Variants in COL27A1 observed in about 807,000 individuals in gnomAD.
COL27A1 encodes collagen alpha-1(XXVII) chain.
A neutral mutation model predicts 251.3 loss-of-function variants in COL27A1; 106 were observed. The ratio of observed to expected loss-of-function variants is 0.42; its 90% confidence interval spans 0.36 to 0.50. COL27A1 has a LOEUF of 0.50. Ranked by LOEUF, COL27A1 falls within the 20% of genes least tolerant of loss-of-function variation. The pLI is 0.00. For synonymous variants in COL27A1, 1,000 were observed against 986.3 expected (o/e 1.01, Z -0.26); for missense variants, 2,325 against 2,522.8 (o/e 0.92, Z 1.68).
intron 12 of COL27A1, among the ~76,000 whole-genome samples, chr9:114,218,976 T>C (rs1269370440): frequency 6.6e-6 from 1 of 151,428 alleles, no homozygotes; most frequent in Non-Finnish European, 1.5e-5. Flanking sequence ...TAATTACATT[T>C]CCCTGGAAAA....
chr9:114,182,334 C>T (rs570449951), intron 4 of COL27A1, among the ~76,000 whole-genome samples: 2 of 151,638 alleles, frequency 1.3e-5, no homozygotes, highest in East Asian at 1.9e-4. Context: ...CATGATCATA[C>T]CACTACAGTC....
chr9:114,299,045 G>A (rs1828437463), intron 49 of COL27A1, among the ~76,000 whole-genome samples: 2 of 152,028 alleles, frequency 1.3e-5, no homozygotes, highest in African/African-American at 4.8e-5. Context: ...ACCACCAAGA[G>A]AACCACCAAT....
chr9:114,203,010 G>T (rs1458458886), intron 7 of COL27A1, among the ~76,000 whole-genome samples: 1 of 152,164 alleles, frequency 6.6e-6, no homozygotes, highest in African/African-American at 2.4e-5. Context: ...TGTACAGTTC[G>T]ATAGCGTTAG....
intron 37 of COL27A1, among the ~76,000 whole-genome samples, chr9:114,278,291 T>C (rs1349729234): frequency 7.2e-6 from 1 of 138,312 alleles, no homozygotes; most frequent in Admixed American, 7.4e-5. Context: ...GGGGTGTTGA[T>C]GGTGGTAGTG....
chr9:114,200,254 C>T (rs902323613), intron 7 of COL27A1, among the ~76,000 whole-genome samples: 1 of 152,234 alleles, frequency 6.6e-6, no homozygotes, highest in Admixed American at 6.5e-5. Context: ...ACTGGCATCC[C>T]TCCTATCCCA....
intron 5 of COL27A1, among the ~76,000 whole-genome samples, chr9:114,186,323 C>T (rs767538057): frequency 2.6e-5 from 4 of 152,228 alleles, no homozygotes; most frequent in Non-Finnish European, 5.9e-5. Flanking sequence ...GCGGTGCTGA[C>T]CCGTGGCAGG....
chr9:114,253,008 C>T, intron 27 of COL27A1, 76 bp downstream of exon 27: 2 of 1,170,278 alleles, frequency 1.7e-6, no homozygotes, highest in Non-Finnish European at 1.2e-6. Context: ...TGGTGGCTCA[C>T]ACCTGTAATC....
In COL27A1 at chr9:114,167,963, C is replaced by T. The variant is rs146589272; in HGVS notation, c.408C>T (p.Val136=). 4.0e-3 allele frequency: 6,458 copies of T among 1,607,192 alleles called. 16 individuals are homozygous for T. Among genetic ancestry groups the T allele is most frequent in the African/African-American group, 5.2e-3 (392 of 75,054 alleles). ...TGCAGTTCCTCCCCGGCAAGACGGT[C>T]GTCCACCTCGGGTCCCGGCGCTCAG... ...LGLQFLPGKT[V]VHLGSRRSVA... Residue 136 remains valine (V), a synonymous_variant, in exon 3 of 61, where the codon GTC becomes GTT. Coordinates refer to ENST00000356083, the MANE Select transcript of COL27A1 (RefSeq NM_032888.4).
At chr9:114,283,498 G>T (rs1588868116) in intron 39 of COL27A1, among the ~76,000 whole-genome samples, 1 of 152,026 alleles carries the variant, frequency 6.6e-6, no homozygotes, top group Non-Finnish European at 1.5e-5. Flanking sequence ...AACCCCTGGA[G>T]CCAGGAGAAG....
intron 21 of COL27A1, 107 bp from the exon 22 acceptor site, chr9:114,242,080 A>G (rs1414714022): frequency 5.2e-6 from 5 of 961,210 alleles, no homozygotes; most frequent in Non-Finnish European, 1.5e-6. Flanking sequence ...TTTGTCCAGG[A>G]GGGCTCTCCT....
intron 18 of COL27A1, 43 bp from the exon 19 acceptor site, chr9:114,237,619 G>A (rs768682766): frequency 7.1e-6 from 11 of 1,541,554 alleles, no homozygotes; most frequent in South Asian, 3.3e-5. Context: ...ATGGAAGGTG[G>A]GGTCCTCACC....
chr9:114,202,605 A>C (rs140989678), intron 7 of COL27A1, among the ~76,000 whole-genome samples: 24 of 152,244 alleles, frequency 1.6e-4, no homozygotes, highest in African/African-American at 5.5e-4. Context: ...CACCGCCAGC[A>C]TGCTCTGACC....
chr9:114,286,427 G>C (rs2131607541), intron 41 of COL27A1, among the ~76,000 whole-genome samples: 1 of 152,258 alleles, frequency 6.6e-6, no homozygotes, highest in East Asian at 1.9e-4. Flanking sequence ...GACCCCATCT[G>C]TCCGATGCCA....
At chr9:114,306,485 C>T (rs1415383427) in intron 57 of COL27A1, 35 bp from the exon 58 acceptor site, 1 of 1,610,486 alleles carries the variant, frequency 6.2e-7, no homozygotes, top group Non-Finnish European at 8.5e-7. Context: ...GACCAGGACC[C>T]TAAGGTCCCA....
intron 55 of COL27A1, 65 bp downstream of exon 55, chr9:114,301,782 C>T (rs757075629): frequency 6.0e-5 from 89 of 1,479,626 alleles, no homozygotes; most frequent in Non-Finnish European, 7.7e-5. Flanking sequence ...AGATTCAAGG[C>T]TTCACCGGCA....
chr9:114,283,630 C>A, intron 39 of COL27A1, 79 bp from the exon 40 acceptor site: 2 of 1,359,096 alleles, frequency 1.5e-6, no homozygotes, highest in Non-Finnish European at 1.0e-6. Flanking sequence ...CGGAGCGGGG[C>A]TGGAGCCTGC....
chr9:114,236,222 G>T (rs1832389465), intron 17 of COL27A1, among the ~76,000 whole-genome samples: 1 of 152,084 alleles, frequency 6.6e-6, no homozygotes, highest in East Asian at 1.9e-4. Context: ...TAGATGCTCT[G>T]AGAGGCATGT....
At chr9:114,260,820 G>T (rs967685690) in intron 28 of COL27A1, among the ~76,000 whole-genome samples, 1 of 152,156 alleles carries the variant, frequency 6.6e-6, no homozygotes, top group South Asian at 2.1e-4. Flanking sequence ...CCCCAGGCCG[G>T]TTTCTTAACC....
intron 31 of COL27A1, 50 bp from the exon 32 acceptor site, chr9:114,265,372 G>A (rs1464861674): frequency 1.3e-6 from 2 of 1,579,484 alleles, no homozygotes; most frequent in Non-Finnish European, 1.7e-6. Flanking sequence ...TCAAGACAGG[G>A]CAGAGAAGGC....
Sources: allele counts gnomAD v4.1 joint callset (sites outside exome capture counted in the v4.1 genomes callset), GRCh38; gene constraint gnomAD v4.1.1; transcripts MANE v1.5; gene names NCBI Gene and HGNC (gene_info 2026-07-23, HGNC 2026-07-21).